DNAJC3: variants seen among roughly 807,000 people sequenced by gnomAD.
DNAJC3 encodes DnaJ heat shock protein family (Hsp40) member C3.
DNAJC3 carries 38 observed loss-of-function variants against 68.6 expected under a neutral mutation model. The ratio of observed to expected loss-of-function variants is 0.55; its 90% CI spans 0.43 to 0.73. The LOEUF is 0.73. Among genes scored for constraint, DNAJC3 ranks in the 30% least tolerant of loss-of-function variants. The pLI, the probability that DNAJC3 is intolerant of heterozygous loss-of-function variation, is 0.00. For missense variants in DNAJC3, 526 were observed against 591.9 expected (o/e 0.89, Z 1.16); for synonymous variants, 203 against 204.0 (o/e 1.00, Z 0.04).
intron 4 of DNAJC3, among the ~76,000 whole-genome samples, chr13:95,727,773 T>G (rs1427649037): frequency 4.6e-5 from 7 of 152,228 alleles, no homozygotes; most frequent in Non-Finnish European, 1.0e-4. Context: ...CTTTGTTGCA[T>G]GTATTCCATA....
intron 4 of DNAJC3, among the ~76,000 whole-genome samples, chr13:95,737,548 G>C (rs1019917459): frequency 4.6e-5 from 7 of 152,070 alleles, no homozygotes; most frequent in Middle Eastern, 6.8e-3. Context: ...GTTTAGTCTT[G>C]AGAGAGTGTA....
At chr13:95,731,735 G>A (rs1189221680) in intron 4 of DNAJC3, among the ~76,000 whole-genome samples, 9 of 151,698 alleles carry the variant, frequency 5.9e-5, no homozygotes, top group East Asian at 3.9e-4. Context: ...GCAGTGGTGC[G>A]GACATGACTC....
At chr13:95,691,307 T>A (rs181621241) in intron 1 of DNAJC3, among the ~76,000 whole-genome samples, 92 of 143,786 alleles carry the variant, frequency 6.4e-4, no homozygotes, top group African/African-American at 2.0e-3. Context: ...ACGGGGCACT[T>A]GCCGGGCGGA....
At chr13:95,716,875 A>G (rs770607747) in intron 2 of DNAJC3, among the ~76,000 whole-genome samples, 1 of 152,166 alleles carries the variant, frequency 6.6e-6, no homozygotes, top group Non-Finnish European at 1.5e-5. Flanking sequence ...GGAAAATGCA[A>G]CATTTGGGCA....
At chr13:95,777,081 G>T (rs1883313613) in intron 9 of DNAJC3, among the ~76,000 whole-genome samples, 1 of 152,132 alleles carries the variant, frequency 6.6e-6, no homozygotes, top group Admixed American at 6.5e-5. Context: ...GTTTCCTCAG[G>T]GAGGTCCTAA....
chr13:95,678,491 T>C (rs771470708), intron 1 of DNAJC3, among the ~76,000 whole-genome samples: 16 of 152,144 alleles, frequency 1.1e-4, no homozygotes, highest in Non-Finnish European at 1.9e-4. Flanking sequence ...TGTGGCAACA[T>C]TGGGACAAAG....
At chr13:95,743,540 C>T (rs961048335) in intron 4 of DNAJC3, among the ~76,000 whole-genome samples, 3 of 152,196 alleles carry the variant, frequency 2.0e-5, no homozygotes, top group African/African-American at 7.2e-5. Flanking sequence ...GAGACAGCCT[C>T]AGGCCACTGG....
intron 2 of DNAJC3, among the ~76,000 whole-genome samples, chr13:95,721,904 G>T (rs752488467): frequency 6.6e-6 from 1 of 152,092 alleles, no homozygotes; most frequent in Non-Finnish European, 1.5e-5. Context: ...CTGTCCTGCC[G>T]TATAGATTCT....
chr13:95,683,480 C>A (rs1225285911), intron 1 of DNAJC3, among the ~76,000 whole-genome samples: 3 of 152,330 alleles, frequency 2.0e-5, no homozygotes, highest in East Asian at 1.9e-4. Flanking sequence ...GTATCTCCCC[C>A]CTCTCTGTCT....
At chr13:95,685,979 T>TG (rs1169527461) in intron 1 of DNAJC3, among the ~76,000 whole-genome samples, 2 of 151,806 alleles carry the variant, frequency 1.3e-5, no homozygotes, top group African/African-American at 4.9e-5. Context: ...TTTTTTTTTT[T>TG]GAGACAGAGT....
At chr13:95,695,169 G>T (rs1880401649) in intron 1 of DNAJC3, 2 of 151,986 alleles carry the variant, frequency 1.3e-5, no homozygotes, top group South Asian at 4.1e-4. Flanking sequence ...TTTTATTCTT[G>T]CATGAAACAG....
At chr13:95,752,438 A>G (rs1882508395) in intron 4 of DNAJC3, among the ~76,000 whole-genome samples, 2 of 152,196 alleles carry the variant, frequency 1.3e-5, no homozygotes, top group African/African-American at 2.4e-5. Flanking sequence ...CAATTCTCAT[A>G]TCTGCTTCTA....
At chr13:95,779,119 C>CTTTT (rs142933580) in intron 9 of DNAJC3, among the ~76,000 whole-genome samples, 1,405 of 97,824 alleles carry the variant, frequency 0.014, 2 homozygotes, top group Non-Finnish European at 0.02. Context: ...TTTCTTCTTT[C>CTTTT]TTTTTTTTTT....
In DNAJC3 at chr13:95,792,690, G is replaced by A. The variant is rs1186246041; in HGVS notation, c.*1660G>A. On this transcript the variant is annotated 3_prime_UTR_variant, in exon 12 of 12. Coordinates refer to ENST00000602402, the MANE Select transcript of DNAJC3 (RefSeq NM_006260.5). Reference sequence around the variant, plus strand: ...ACCAATAAACTTGACAACGCATTTGGAAAACTAGTGAACACCTTACAGCTT... The same window carrying A: ...ACCAATAAACTTGACAACGCATTTGAAAAACTAGTGAACACCTTACAGCTT... 2 of 152,126 alleles carry A rather than the reference G, an allele frequency of 1.3e-5. No individual in the cohort carries two copies. The highest frequency in any genetic ancestry group is 1.3e-4 in the Admixed American group (2 of 15,272). 9.4% of individuals were successfully genotyped at this position (152,126 alleles called of 1,614,324 possible). A position where few individuals can be genotyped will look rare whatever the true frequency, so the allele number is the denominator to read the frequency against.
At chr13:95,681,458 C>T (rs953274849) in intron 1 of DNAJC3, among the ~76,000 whole-genome samples, 2 of 152,164 alleles carry the variant, frequency 1.3e-5, no homozygotes, top group Admixed American at 6.5e-5. Context: ...TCAAGCAGTC[C>T]TCCCATCTCA....
chr13:95,773,334 C>T (rs1883207790), intron 9 of DNAJC3, among the ~76,000 whole-genome samples: 1 of 151,478 alleles, frequency 6.6e-6, no homozygotes, highest in African/African-American at 2.4e-5. Context: ...CCACACCTGG[C>T]TAGTTTTTGT....
intron 1 of DNAJC3, among the ~76,000 whole-genome samples, chr13:95,687,840 G>C (rs1297591489): frequency 6.6e-6 from 1 of 152,266 alleles, no homozygotes; most frequent in Admixed American, 6.5e-5. Flanking sequence ...GGTAGGAATA[G>C]TGTTGAATCT....
In DNAJC3 at chr13:95,690,866, C is replaced by T. The variant is rs375289575; in HGVS notation, c.82+13529C>T. On this transcript the variant is annotated intron_variant, in intron 1 of 11. Transcript: ENST00000602402. ...CTCCTCACTTCCCAGTAGGGGCGGC[C>T]GGGCAGAGGCGCCCCTCACTTCCCA... Among the ~76,000 whole-genome samples, 914 of 135,552 alleles carry T rather than the reference C, an allele frequency of 6.7e-3. 4 individuals are homozygous for T. The highest frequency in any genetic ancestry group is 0.013 in the South Asian group (54 of 4,180). 88.9% of individuals were successfully genotyped at this position (135,552 alleles called of 152,430 possible).
intron 11 of DNAJC3, among the ~76,000 whole-genome samples, chr13:95,790,652 T>TATCA (rs1388535845): frequency 6.6e-6 from 1 of 152,026 alleles, no homozygotes; most frequent in East Asian, 1.9e-4. Flanking sequence ...AAATACCTAT[T>TATCA]ATCAACCCTG....
Sources: gnomAD v4.1 joint callset for allele counts (sites outside exome capture counted in the v4.1 genomes callset) on GRCh38, gnomAD v4.1.1 for gene constraint, MANE v1.5 for transcripts, NCBI Gene and HGNC (gene_info 2026-07-23, HGNC 2026-07-21) for gene names.